Variants in POU2F1 observed in about 807,000 individuals in gnomAD.
POU2F1 encodes the protein POU class 2 homeobox 1.
A neutral mutation model predicts 84.9 loss-of-function variants in POU2F1; 16 were observed. The ratio of observed to expected loss-of-function variants is 0.19; its 90% CI spans 0.13 to 0.29. The LOEUF (loss-of-function observed/expected upper bound fraction) is 0.29, where lower values mean the gene tolerates loss of function less well. Among genes scored for constraint, POU2F1 ranks in the 10% least tolerant of loss-of-function variants. The probability of loss-of-function intolerance (pLI) is 1.00; values close to 1 mark genes in which losing one functional copy is unlikely to be tolerated. For missense variants in POU2F1, 738 were observed against 942.6 expected, an observed-to-expected ratio of 0.78 and a Z score of 2.84; for synonymous variants, 368 against 368.3, an observed-to-expected ratio of 1.00 and a Z score of 0.01.
intron 1 of POU2F1, among the ~76,000 whole-genome samples, chr1:167,311,347 G>A (rs978002543): frequency 6.6e-6 from 1 of 152,080 alleles, no homozygotes; most frequent in Non-Finnish European, 1.5e-5. Context: ...TAGAGAGAGA[G>A]CTCAGACTCC....
intron 10 of POU2F1, 115 bp from the exon 11 acceptor site, chr1:167,397,879 C>G: frequency 1.8e-6 from 2 of 1,128,104 alleles, no homozygotes; most frequent in African/African-American, 3.1e-5. Context: ...TATGTGAAAA[C>G]CTTTTCATAC....
chr1:167,368,877 A>C lies in POU2F1; in HGVS notation c.229-1284A>C, dbSNP rs559322859. Among the ~76,000 whole-genome samples the C allele has an allele frequency of 3.9e-5, 6 of 152,316 alleles. No individual in the cohort carries two copies. In the South Asian group the frequency reaches 1.2e-3, roughly 32 times the overall value. On this transcript the variant is annotated intron_variant, in intron 3 of 15. Transcript: ENST00000367866. ...CATCTTGATGCTATCTGGTGTATACAAAATGGAACTCATTATCTTCTCTGT... is the reference window on the plus strand; with the variant it reads ...CATCTTGATGCTATCTGGTGTATACCAAATGGAACTCATTATCTTCTCTGT...
intron 13 of POU2F1, among the ~76,000 whole-genome samples, chr1:167,406,701 T>C (rs1419556720): frequency 6.6e-6 from 1 of 152,168 alleles, no homozygotes; most frequent in African/African-American, 2.4e-5. Context: ...AAAAAATAAA[T>C]TACATTTGTA....
chr1:167,220,904 G>A lies in POU2F1; in HGVS notation c.7G>A (p.Asp3Asn). ...TTTGGTTAAAATATTCAAAATGGCGGACGGAGGAGCAGCGAGTCAAGATGA... is the reference window on the plus strand; with the variant it reads ...TTTGGTTAAAATATTCAAAATGGCGAACGGAGGAGCAGCGAGTCAAGATGA... MA[D>N]GGAASQDESS... Residue 3 changes from aspartate to asparagine, a missense_variant, in exon 1 of 16, where the codon GAC becomes AAC. Physicochemically the swap from Asp to Asn is conservative, Grantham distance 23. Transcript: ENST00000367866. 6.5e-7 allele frequency: 1 copy of A among 1,535,232 alleles called. No homozygotes were observed. The highest frequency in any genetic ancestry group is 8.7e-7 in the Non-Finnish European group (1 of 1,146,780).
chr1:167,239,600 G>T (rs1444658526), intron 1 of POU2F1, among the ~76,000 whole-genome samples: 1 of 152,188 alleles, frequency 6.6e-6, no homozygotes, highest in South Asian at 2.1e-4. Context: ...TCTAGCAAGT[G>T]CTGGGAATGC....
chr1:167,251,780 A>G (rs1650746017), intron 1 of POU2F1, among the ~76,000 whole-genome samples: 1 of 151,822 alleles, frequency 6.6e-6, no homozygotes, highest in East Asian at 1.9e-4. Flanking sequence ...CACGGAACAT[A>G]TTACAGGTTT....
At position 167,419,627 on chromosome 1, in the gene POU2F1, G is replaced by A. The variant is rs934674502; in HGVS notation, c.*3817G>A. ...GTTGTTCTAAGAAAAAATAAGTTGA[G>A]TGCTGTATTAGTTTAAGTGTTTCTA... On this transcript the variant is annotated 3_prime_UTR_variant, in exon 16 of 16. Coordinates refer to ENST00000367866, the MANE Select transcript of POU2F1 (RefSeq NM_002697.4). 3 of 152,334 alleles carry A rather than the reference G, an allele frequency of 2.0e-5. No individual in the cohort carries two copies. Among genetic ancestry groups the A allele is most frequent in the Admixed American group, 2.0e-4 (3 of 15,306 alleles). 9.4% of individuals were successfully genotyped at this position (152,334 alleles called of 1,614,324 possible). A position where few individuals can be genotyped will look rare whatever the true frequency, so the allele number is the denominator to read the frequency against.
chr1:167,227,414 A>G (rs1648721755), intron 1 of POU2F1, among the ~76,000 whole-genome samples: 1 of 152,164 alleles, frequency 6.6e-6, no homozygotes, highest in Admixed American at 6.5e-5. Context: ...CTGGAAAATG[A>G]ACAATATGCT....
intron 1 of POU2F1, among the ~76,000 whole-genome samples, chr1:167,330,147 T>A (rs1332280334): frequency 1.3e-5 from 2 of 152,208 alleles, no homozygotes; most frequent in Non-Finnish European, 2.9e-5. Flanking sequence ...TTTTAGTTAC[T>A]CTAGTCACCT....
At chr1:167,350,923 G>A (rs1658515561) in intron 2 of POU2F1, among the ~76,000 whole-genome samples, 1 of 151,838 alleles carries the variant, frequency 6.6e-6, no homozygotes, top group African/African-American at 2.4e-5. Flanking sequence ...GCTTGAACCC[G>A]GGAGGCCAAG....
intron 1 of POU2F1, 40 bp downstream of exon 1, chr1:167,220,998 A>G: frequency 6.7e-7 from 1 of 1,497,330 alleles, no homozygotes; most frequent in Non-Finnish European, 9.0e-7. Context: ...ATTCATACTC[A>G]ACCCCGGCTC....
Position 167,416,118 on chromosome 1 carries a change from A to C in POU2F1, c.*308A>C. On this transcript the variant is annotated 3_prime_UTR_variant, in exon 16 of 16. Coordinates refer to ENST00000367866, the MANE Select transcript of POU2F1 (RefSeq NM_002697.4). ...AAAAAAAAAAAAAAGAAACAAAAAA[A>C]TCAAAAACAAACAAAAATAAGTGAA... The C allele has an allele frequency of 2.0e-6, 1 of 502,634 alleles. No homozygotes were observed. Among genetic ancestry groups the C allele is most frequent in the Non-Finnish European group, 3.7e-6 (1 of 273,510 alleles). 31.1% of individuals were successfully genotyped at this position (502,634 alleles called of 1,614,324 possible). A position where few individuals can be genotyped will look rare whatever the true frequency, so the allele number is the denominator to read the frequency against.
At chr1:167,245,497 T>A (rs1650250967) in intron 1 of POU2F1, among the ~76,000 whole-genome samples, 1 of 149,716 alleles carries the variant, frequency 6.7e-6, no homozygotes. Context: ...CACTGCAACC[T>A]CCACCTACCC....
At chr1:167,387,950 TA>T (rs1374935948) in intron 8 of POU2F1, among the ~76,000 whole-genome samples, 10 of 152,168 alleles carry the variant, frequency 6.6e-5, no homozygotes, top group African/African-American at 2.4e-4. Flanking sequence ...ATGTTAGAAA[TA>T]AGTGAAGCTT....
rs745679840 is a variant in POU2F1, at chr1:167,220,915, A to C, written c.18A>C (p.Ala6=). The C allele has an allele frequency of 1.2e-4, 178 of 1,535,320 alleles. 2 individuals are homozygous for C. In the East Asian group the frequency reaches 1.9e-3, roughly 17 times the overall value. Residue 6 remains alanine, a synonymous_variant, in exon 1 of 16, where the codon GCA becomes GCC. Coordinates refer to ENST00000367866, the MANE Select transcript of POU2F1 (RefSeq NM_002697.4). ...TATTCAAAATGGCGGACGGAGGAGCAGCGAGTCAAGATGAGAGTTCAGCCG... is the reference window on the plus strand; with the variant it reads ...TATTCAAAATGGCGGACGGAGGAGCCGCGAGTCAAGATGAGAGTTCAGCCG... MADGG[A]ASQDESSAAA...
chr1:167,374,105 T>TAAC lies in POU2F1; in HGVS notation c.403-2_403-1insACA. On this transcript the variant is annotated splice_region_variant and splice_polypyrimidine_tract_variant and intron_variant, in intron 5 of 15. Transcript: ENST00000367866. Reference sequence around the variant, plus strand: ...TCCCATAATGTGTTCTGGTTTTGTTTAGCTTACTTTGACGCCTGCCCAGCA... The same window carrying TAAC: ...TCCCATAATGTGTTCTGGTTTTGTTTAACAGCTTACTTTGACGCCTGCCCAGCA... The TAAC allele has an allele frequency of 6.2e-7, 1 of 1,614,102 alleles. No homozygotes were observed. Among genetic ancestry groups the TAAC allele is most frequent in the Non-Finnish European group, 8.5e-7 (1 of 1,179,988 alleles).
At chr1:167,398,686 A>G (rs1648982846) in intron 11 of POU2F1, among the ~76,000 whole-genome samples, 2 of 152,160 alleles carry the variant, frequency 1.3e-5, no homozygotes, top group South Asian at 4.1e-4. Context: ...CTTTTAAGAA[A>G]ATTTTGACTT....
At chr1:167,340,961 T>A (rs1253897121) in intron 2 of POU2F1, among the ~76,000 whole-genome samples, 7 of 151,930 alleles carry the variant, frequency 4.6e-5, no homozygotes, top group Admixed American at 2.0e-4. Flanking sequence ...TTGGAGAAGG[T>A]GGAATTGAAA....
chr1:167,393,416 T>C (rs1571432001), intron 9 of POU2F1, among the ~76,000 whole-genome samples: 1 of 152,350 alleles, frequency 6.6e-6, no homozygotes, highest in East Asian at 1.9e-4. Context: ...GTGAATGGCA[T>C]AGCTTTATTT....
Sources: allele counts gnomAD v4.1 joint callset (sites outside exome capture counted in the v4.1 genomes callset), GRCh38; gene constraint gnomAD v4.1.1; transcripts MANE v1.5; gene names NCBI Gene and HGNC (gene_info 2026-07-23, HGNC 2026-07-21).